The following VPS53 variants were observed in gnomAD, a reference collection of about 807,000 sequenced individuals.
VPS53 encodes the protein vacuolar protein sorting-associated protein 53 homolog.
In VPS53, 70 loss-of-function variants were observed where a neutral mutation model predicts 107.0. That is an observed-to-expected ratio of 0.65 (90% CI 0.54 to 0.80). The LOEUF (loss-of-function observed/expected upper bound fraction) is 0.80, where lower values mean the gene tolerates loss of function less well. VPS53 is among the 30% of genes least tolerant of loss of function. VPS53 has a pLI of 0.00. For missense variants in VPS53, 917 were observed against 1,049.4 expected (o/e 0.87, Z 1.74); for synonymous variants, 409 against 393.3 (o/e 1.04, Z -0.47).
chr17:531,223 C>G (rs1344106424), intron 19 of VPS53, among the ~76,000 whole-genome samples: 3 of 152,204 alleles, frequency 2.0e-5, no homozygotes, highest in Non-Finnish European at 4.4e-5. Context: ...GTTCAGGGGC[C>G]ACGTTGCCCT....
intron 4 of VPS53, among the ~76,000 whole-genome samples, chr17:687,894 T>A (rs1972646923): frequency 6.6e-6 from 1 of 152,186 alleles, no homozygotes; most frequent in African/African-American, 2.4e-5. Flanking sequence ...AAAATTTAAA[T>A]TCAAAGCTCA....
In VPS53 at chr17:560,509, C is replaced by T; in HGVS notation, c.1621G>A (p.Val541Ile). ...AGCTCCTCCAGAGTGAACTTGGCTA[C>T]TTCTGAGCCCTCCTTTTCCTTGAGG... ...SLLKEKEGSE[V>I]AKFTLEELCL... The change falls in exon 15 of 22, where the codon GTA (valine) becomes ATA (isoleucine). Residue 541 changes from valine to isoleucine, a missense_variant. Transcript: ENST00000437048. 1 of 1,613,924 alleles carries T rather than the reference C, an allele frequency of 6.2e-7. No homozygotes were observed. The highest frequency in any genetic ancestry group is 8.5e-7 in the Non-Finnish European group (1 of 1,180,026).
intron 11 of VPS53, among the ~76,000 whole-genome samples, chr17:617,483 C>A (rs935136689): frequency 6.6e-6 from 1 of 152,242 alleles, no homozygotes; most frequent in Non-Finnish European, 1.5e-5. Context: ...TTCATTGCAA[C>A]CTCTGCCTTC....
At chr17:536,810 A>C in intron 18 of VPS53, 1 of 540,692 alleles carries the variant, frequency 1.8e-6, no homozygotes, top group Non-Finnish European at 3.2e-6. Context: ...TCCGGGTGAT[A>C]ATGACGTGTT....
rs1439790370 is a variant in VPS53, at chr17:511,863, C to T, written c.*7265G>A. The T allele has an allele frequency of 1.3e-5, 2 of 152,188 alleles. No individual in the cohort carries two copies. The highest frequency in any genetic ancestry group is 2.9e-5 in the Non-Finnish European group (2 of 68,040). 9.4% of individuals were successfully genotyped at this position (152,188 alleles called of 1,614,324 possible). On this transcript the variant is annotated 3_prime_UTR_variant, in exon 22 of 22. Transcript: ENST00000437048. Reference sequence around the variant, plus strand: ...GAGTCTGGTCTGTGGACACCAGACACCTAAGCAAGTTTCTTGGAAGGGAGG... The same window carrying T: ...GAGTCTGGTCTGTGGACACCAGACATCTAAGCAAGTTTCTTGGAAGGGAGG...
chr17:697,522 T>A (rs1973020046), intron 3 of VPS53, 38 bp from the exon 4 acceptor site: 1 of 1,525,794 alleles, frequency 6.6e-7, no homozygotes, highest in African/African-American at 1.4e-5. Context: ...ATTCAAATAA[T>A]CTTTATTCTA....
chr17:643,756 G>A (rs409431), intron 7 of VPS53, among the ~76,000 whole-genome samples: 11 of 149,312 alleles, frequency 7.4e-5, no homozygotes, highest in African/African-American at 2.5e-4. Flanking sequence ...CTTGGAAAGC[G>A]AGGACAACAC....
chr17:665,117 C>T (rs1971626224), intron 4 of VPS53, among the ~76,000 whole-genome samples: 1 of 152,168 alleles, frequency 6.6e-6, no homozygotes. Flanking sequence ...GTGACCAGGT[C>T]ATGAGGGGTT....
At chr17:575,926 G>C (rs1442159798) in intron 13 of VPS53, among the ~76,000 whole-genome samples, 2 of 150,428 alleles carry the variant, frequency 1.3e-5, no homozygotes, top group Non-Finnish European at 1.5e-5. Context: ...TGCGTTCCCA[G>C]AGAAATTCCC....
chr17:625,509 T>C (rs1315220021), intron 10 of VPS53, among the ~76,000 whole-genome samples: 1 of 149,184 alleles, frequency 6.7e-6, no homozygotes, highest in Non-Finnish European at 1.5e-5. Flanking sequence ...AGAATGTATG[T>C]GAACACCAAG....
chr17:680,469 A>G (rs549595293), intron 4 of VPS53, among the ~76,000 whole-genome samples: 2 of 152,328 alleles, frequency 1.3e-5, no homozygotes, highest in East Asian at 3.9e-4. Flanking sequence ...GCAAGCATTT[A>G]TGAAAGGTTA....
chr17:620,102 GA>G (rs1219954536), intron 11 of VPS53, among the ~76,000 whole-genome samples: 2 of 152,172 alleles, frequency 1.3e-5, no homozygotes, highest in Non-Finnish European at 2.9e-5. Context: ...AGCAAGCAGA[GA>G]AGTATACATA....
intron 20 of VPS53, 121 bp downstream of exon 20, chr17:521,480 A>C (rs541206724): frequency 2.5e-6 from 3 of 1,186,136 alleles, no homozygotes. Flanking sequence ...AGTCCAGCCC[A>C]AGAATGTGGA....
At chr17:661,111 C>A (rs571212739) in intron 5 of VPS53, among the ~76,000 whole-genome samples, 1 of 151,970 alleles carries the variant, frequency 6.6e-6, no homozygotes, top group Non-Finnish European at 1.5e-5. Flanking sequence ...CCATTCTCAG[C>A]GTGCATCGAG....
rs117846266 is a variant in VPS53 at position 534,786 on chromosome 17, C to T, written c.2016-1875G>A. On this transcript the variant is annotated intron_variant, in intron 18 of 21. Transcript: ENST00000437048. ...TAGAAAAATGAGCTAGGCCGGGTGG[C>T]GAGCGCCTGTAATCCCAGCTATTCA... 9.2e-3 allele frequency among the ~76,000 whole-genome samples: 1,396 copies of T among 152,100 alleles called. 9 individuals are homozygous for T. Among genetic ancestry groups the T allele is most frequent in the Non-Finnish European group, 0.014 (934 of 67,978 alleles).
In VPS53 at chr17:699,398, G is replaced by T; in HGVS notation, c.169-18C>A. Reference sequence around the variant, plus strand: ...GCCAGAGACTACAATAAAGAAGGAAGAGTGCCCAGCTGTTAGTCCACTTCC... The same window carrying T: ...GCCAGAGACTACAATAAAGAAGGAATAGTGCCCAGCTGTTAGTCCACTTCC... On this transcript the variant is annotated intron_variant, in intron 2 of 21. Transcript: ENST00000437048. 6.5e-7 allele frequency: 1 copy of T among 1,547,732 alleles called. No homozygotes were observed. The highest frequency in any genetic ancestry group is 1.3e-5 in the South Asian group (1 of 79,710).
intron 13 of VPS53, among the ~76,000 whole-genome samples, chr17:565,390 C>T (rs1278964607): frequency 5.5e-5 from 6 of 109,668 alleles, no homozygotes; most frequent in African/African-American, 1.8e-4. Context: ...GCAACAAGAG[C>T]GAAACCCCAT....
At chr17:656,728 G>C (rs1314657117) in intron 5 of VPS53, 1 of 622,240 alleles carries the variant, frequency 1.6e-6, no homozygotes, top group African/African-American at 1.9e-5. Context: ...GTGTGTGTGT[G>C]TGTTTTATCA....
At chr17:708,344 G>A (rs556496912) in intron 2 of VPS53, among the ~76,000 whole-genome samples, 49 of 152,256 alleles carry the variant, frequency 3.2e-4, no homozygotes, top group Admixed American at 1.2e-3. Flanking sequence ...TGTGGTAGCC[G>A]AAGCAGAGAG....
Sources: gnomAD v4.1 joint callset for allele counts (sites outside exome capture counted in the v4.1 genomes callset) on GRCh38, gnomAD v4.1.1 for gene constraint, MANE v1.5 for transcripts, NCBI Gene and HGNC (gene_info 2026-07-23, HGNC 2026-07-21) for gene names.